The following LIMCH1 variants were observed in gnomAD, a reference collection of about 807,000 sequenced individuals.
LIMCH1 encodes the protein LIM and calponin homology domains-containing protein 1.
A neutral mutation model predicts 176.5 loss-of-function variants in LIMCH1; 113 were observed. That is an observed-to-expected ratio of 0.64 (90% CI 0.55 to 0.75). The LOEUF is 0.75. Ranked by LOEUF, LIMCH1 falls within the 30% of genes least tolerant of loss-of-function variation. The pLI is 0.00. For missense variants in LIMCH1, 1,674 were observed against 1,814.9 expected (o/e 0.92, Z 1.41); for synonymous variants, 619 against 645.9 (o/e 0.96, Z 0.63).
At chr4:41,488,968 G>A (rs1352764983) in intron 1 of LIMCH1, among the ~76,000 whole-genome samples, 1 of 152,090 alleles carries the variant, frequency 6.6e-6, no homozygotes, top group African/African-American at 2.4e-5. Context: ...TTTTCTTTGT[G>A]AGAAGGGTAT....
intron 1 of LIMCH1, among the ~76,000 whole-genome samples, chr4:41,551,629 A>G (rs1382512474): frequency 1.3e-5 from 2 of 152,218 alleles, no homozygotes; most frequent in Admixed American, 1.3e-4. Context: ...CTGTGGGATA[A>G]GAATAGTTTT....
chr4:41,644,438 C>A (rs912997190), intron 14 of LIMCH1, 62 bp from the exon 15 acceptor site: 2 of 1,419,172 alleles, frequency 1.4e-6, no homozygotes, highest in Non-Finnish European at 9.3e-7. Flanking sequence ...GACGCCCAGG[C>A]GCGCGGAGAC....
At chr4:41,679,156 A>G (rs1257092659) in intron 23 of LIMCH1, among the ~76,000 whole-genome samples, 2 of 152,188 alleles carry the variant, frequency 1.3e-5, no homozygotes, top group Non-Finnish European at 2.9e-5. Flanking sequence ...AGGATTGACA[A>G]TAGTCAGCCT....
chr4:41,431,062 C>T (rs2061567230), intron 1 of LIMCH1, among the ~76,000 whole-genome samples: 1 of 152,230 alleles, frequency 6.6e-6, no homozygotes, highest in Non-Finnish European at 1.5e-5. Flanking sequence ...AATGTTCAGA[C>T]TGTTATTTCT....
intron 26 of LIMCH1, 41 bp from the exon 27 acceptor site, chr4:41,684,356 C>A: frequency 6.3e-7 from 1 of 1,586,724 alleles, no homozygotes. Context: ...GATTCAGTTA[C>A]TTTTCTCTCT....
intron 1 of LIMCH1, among the ~76,000 whole-genome samples, chr4:41,388,320 A>G (rs2056762309): frequency 6.6e-6 from 1 of 152,270 alleles, no homozygotes; most frequent in African/African-American, 2.4e-5. Context: ...ACTGTTTGAC[A>G]GTTAAAAGGA....
At chr4:41,390,653 TTCCTAA>T (rs1173213772) in intron 1 of LIMCH1, among the ~76,000 whole-genome samples, 2 of 152,346 alleles carry the variant, frequency 1.3e-5, no homozygotes, top group African/African-American at 4.8e-5. Context: ...TCATTGGACA[TTCCTAA>T]AGTTTCCATC....
intron 1 of LIMCH1, among the ~76,000 whole-genome samples, chr4:41,406,912 A>G (rs73146295): frequency 0.049 from 7,391 of 152,248 alleles, 240 homozygotes; most frequent in African/African-American, 0.079. Context: ...AATATGATTA[A>G]GAGTTGATCA....
At chr4:41,409,019 A>C (rs1011301719) in intron 1 of LIMCH1, among the ~76,000 whole-genome samples, 1 of 152,118 alleles carries the variant, frequency 6.6e-6, no homozygotes, top group Non-Finnish European at 1.5e-5. Flanking sequence ...TAGTTTATAA[A>C]ATTTGCTCAT....
At chr4:41,679,295 T>C (rs2153040294) in intron 23 of LIMCH1, among the ~76,000 whole-genome samples, 1 of 152,338 alleles carries the variant, frequency 6.6e-6, no homozygotes, top group East Asian at 1.9e-4. Flanking sequence ...ATTTATTCAT[T>C]TCTTCTAATC....
intron 1 of LIMCH1, among the ~76,000 whole-genome samples, chr4:41,381,523 G>T (rs1415186362): frequency 6.6e-6 from 1 of 152,158 alleles, no homozygotes; most frequent in Non-Finnish European, 1.5e-5. Context: ...CATACCCCTT[G>T]CCAAGTGACT....
At chr4:41,387,608 CTG>C (rs2056671930) in intron 1 of LIMCH1, among the ~76,000 whole-genome samples, 2 of 152,258 alleles carry the variant, frequency 1.3e-5, no homozygotes, top group Admixed American at 1.3e-4. Flanking sequence ...AGCAGCTTCT[CTG>C]TGCATACGCA....
At position 41,650,244 on chromosome 4, in the gene LIMCH1, TCCCATCA is replaced by T. The variant is rs2094234132; in HGVS notation, c.2821-148_2821-142del. The T allele has an allele frequency of 2.2e-5, 14 of 644,116 alleles. No individual in the cohort carries two copies. The South Asian group carries it at 2.8e-4, about 13-fold the overall frequency. 39.9% of individuals were successfully genotyped at this position (644,116 alleles called of 1,614,324 possible). ...ATTTATAGAAGCCCTAACTCATAGATCCCATCAGAACATTTAAGAGACCTCTTCCTTC... is the reference window on the plus strand; with the variant it reads ...ATTTATAGAAGCCCTAACTCATAGATGAACATTTAAGAGACCTCTTCCTTC... On this transcript the variant is annotated intron_variant, in intron 17 of 31. Transcript: ENST00000503057.
intron 1 of LIMCH1, among the ~76,000 whole-genome samples, chr4:41,488,151 A>G (rs949965681): frequency 1.8e-4 from 27 of 152,308 alleles, no homozygotes; most frequent in Admixed American, 1.3e-3. Flanking sequence ...TGGGCTGTCA[A>G]TGTTGGCACT....
intron 1 of LIMCH1, among the ~76,000 whole-genome samples, chr4:41,366,964 T>TGGAAGGCAAAGG (rs1344656170): frequency 2.0e-4 from 30 of 152,260 alleles, no homozygotes; most frequent in African/African-American, 7.2e-4. Context: ...ATAATTATGA[T>TGGAAGGCAAAGG]GGAAGGCAAA....
At chr4:41,371,286 C>T (rs1162402000) in intron 1 of LIMCH1, among the ~76,000 whole-genome samples, 1 of 152,262 alleles carries the variant, frequency 6.6e-6, no homozygotes, top group Non-Finnish European at 1.5e-5. Context: ...ATCCATATGG[C>T]TCCCAAGCAC....
intron 1 of LIMCH1, among the ~76,000 whole-genome samples, chr4:41,409,848 T>C (rs1035351491): frequency 2.6e-5 from 4 of 152,236 alleles, no homozygotes; most frequent in African/African-American, 9.6e-5. Flanking sequence ...AGTTTTCTTG[T>C]CACAAGTTGA....
chr4:41,429,805 G>A (rs1161370180), intron 1 of LIMCH1, among the ~76,000 whole-genome samples: 1 of 152,162 alleles, frequency 6.6e-6, no homozygotes, highest in Non-Finnish European at 1.5e-5. Flanking sequence ...TGGAGGGCTG[G>A]CCTTCATGTA....
intron 1 of LIMCH1, among the ~76,000 whole-genome samples, chr4:41,474,071 G>A (rs993168303): frequency 1.3e-5 from 2 of 151,940 alleles, no homozygotes; most frequent in African/African-American, 2.4e-5. Context: ...CCAGCTACTC[G>A]GGAGGTTGAG....
Sources: allele counts gnomAD v4.1 joint callset (sites outside exome capture counted in the v4.1 genomes callset), GRCh38; gene constraint gnomAD v4.1.1; transcripts MANE v1.5; gene names NCBI Gene and HGNC (gene_info 2026-07-23, HGNC 2026-07-21).